The following MALRD1 variants were observed in gnomAD, a reference collection of about 807,000 sequenced individuals.
MALRD1 encodes the protein MAM and LDL receptor class A domain containing 1, also known as MAM and LDL-receptor class A domain-containing protein 1.
In MALRD1, 247 loss-of-function variants were observed where a neutral mutation model predicts 242.1. The observed-to-expected ratio is 1.02, with a 90% CI of 0.92 to 1.13. MALRD1 has a LOEUF of 1.13. MALRD1 is among the 50% of genes most tolerant of loss of function. The pLI is 0.00. For synonymous variants in MALRD1, 995 were observed against 866.6 expected (o/e 1.15, Z -2.60); for missense variants, 2,989 against 2,533.1 (o/e 1.18, Z -3.86).
intron 32 of MALRD1, among the ~76,000 whole-genome samples, chr10:19,561,674 A>G (rs1014387180): frequency 1.2e-4 from 18 of 151,588 alleles, no homozygotes; most frequent in Non-Finnish European, 8.8e-5. Context: ...TTTTAGCGAG[A>G]CTGTGCCCTG....
chr10:19,495,866 A>G (rs557782834), intron 30 of MALRD1, among the ~76,000 whole-genome samples: 40 of 152,348 alleles, frequency 2.6e-4, no homozygotes, highest in South Asian at 1.7e-3. Context: ...GCTCAAAATA[A>G]AGGGAAGGAG....
chr10:19,443,707 C>A (rs1443097506), intron 28 of MALRD1, among the ~76,000 whole-genome samples: 1 of 152,134 alleles, frequency 6.6e-6, no homozygotes. Context: ...AATTTCTGTT[C>A]TTTTACATTT....
intron 1 of MALRD1, among the ~76,000 whole-genome samples, chr10:19,057,307 C>A (rs1435163824): frequency 1.3e-5 from 2 of 152,094 alleles, no homozygotes; most frequent in African/African-American, 2.4e-5. Flanking sequence ...CATCAAGGTG[C>A]CAGCAGATTC....
intron 2 of MALRD1, among the ~76,000 whole-genome samples, chr10:19,076,650 T>G (rs768245525): frequency 5.9e-5 from 9 of 152,018 alleles, no homozygotes; most frequent in Non-Finnish European, 1.3e-4. Context: ...CTGCCTGTGC[T>G]TATGACAGTA....
chr10:19,635,681 A>ATTT (rs35518702), intron 36 of MALRD1, among the ~76,000 whole-genome samples: 1 of 152,158 alleles, frequency 6.6e-6, no homozygotes, highest in African/African-American at 2.4e-5. Context: ...TAGCTAAAAT[A>ATTT]TTTTTTAAAC....
chr10:19,070,428 A>T (rs574940117), intron 2 of MALRD1, among the ~76,000 whole-genome samples: 2 of 152,264 alleles, frequency 1.3e-5, no homozygotes, highest in Non-Finnish European at 2.9e-5. Flanking sequence ...CCCTCTAAAG[A>T]TATATCACTT....
At chr10:19,543,680 T>A (rs954381948) in intron 32 of MALRD1, among the ~76,000 whole-genome samples, 2 of 152,078 alleles carry the variant, frequency 1.3e-5, no homozygotes, top group African/African-American at 2.4e-5. Flanking sequence ...TAACCCAAAC[T>A]CTGTAGCTTA....
chr10:19,515,079 G>GGC, intron 31 of MALRD1, among the ~76,000 whole-genome samples: 1 of 132,046 alleles, frequency 7.6e-6, no homozygotes, highest in South Asian at 2.3e-4. Flanking sequence ...TATGCTTTAG[G>GGC]ACAAAAAAAA....
At chr10:19,680,689 C>A (rs1272560272) in intron 36 of MALRD1, among the ~76,000 whole-genome samples, 2 of 152,066 alleles carry the variant, frequency 1.3e-5, no homozygotes, top group East Asian at 3.9e-4. Context: ...ATGATGCTAG[C>A]TGGTTCTTTT....
chr10:19,496,347 A>G (rs985904494), intron 30 of MALRD1, among the ~76,000 whole-genome samples: 1 of 152,194 alleles, frequency 6.6e-6, no homozygotes, highest in African/African-American at 2.4e-5. Context: ...TTCCAAAAAA[A>G]CAAAATTATA....
At chr10:19,414,830 A>T (rs1397074018) in intron 28 of MALRD1, among the ~76,000 whole-genome samples, 1 of 152,154 alleles carries the variant, frequency 6.6e-6, no homozygotes, top group Admixed American at 6.6e-5. Flanking sequence ...TGCAAAATTT[A>T]TAAATGGCAT....
At position 19,088,026 on chromosome 10, in the gene MALRD1, T is replaced by C. The variant is rs777691918; in HGVS notation, c.438T>C (p.Ile146=). The C allele has an allele frequency of 4.9e-6, 6 of 1,233,488 alleles. No homozygotes were observed. The highest frequency in any genetic ancestry group is 6.1e-6 in the Non-Finnish European group (6 of 987,848). The allele number at this position is 1,233,488 out of a possible 1,614,324, so 76.4% of individuals were successfully genotyped here. The change falls in exon 4 of 40, where the codon ATT becomes ATC. Residue 146 remains isoleucine (I), a splice_region_variant and synonymous_variant. Coordinates refer to ENST00000454679, the MANE Select transcript of MALRD1 (RefSeq NM_001142308.3). The stretch of plus-strand genomic sequence containing the variant: ...TGGGTACTAATTGTCTTTCACAGAT[T>C]ACATTTTATTACTTCTCCTGCCAAG... ...LPTNDQHDCQ[I]TFYYFSCQVS...
At chr10:19,542,588 G>T (rs1256336107) in intron 32 of MALRD1, among the ~76,000 whole-genome samples, 1 of 151,310 alleles carries the variant, frequency 6.6e-6, no homozygotes, top group Non-Finnish European at 1.5e-5. Context: ...ATAATTCTTT[G>T]TCCTCTCCTG....
chr10:19,449,830 C>T (rs1011845963), intron 28 of MALRD1, among the ~76,000 whole-genome samples: 1 of 152,042 alleles, frequency 6.6e-6, no homozygotes. Flanking sequence ...TACCCCTGAA[C>T]CTAAAATAAA....
intron 29 of MALRD1, chr10:19,489,296 G>C (rs559282092): frequency 1.4e-5 from 7 of 502,786 alleles, no homozygotes; most frequent in African/African-American, 3.9e-5. Context: ...GGCCTAAGTG[G>C]CTAACCACGA....
chr10:19,695,686 A>T (rs1833348585), intron 38 of MALRD1, among the ~76,000 whole-genome samples: 2 of 151,688 alleles, frequency 1.3e-5, no homozygotes, highest in Admixed American at 1.3e-4. Context: ...TGCCCGGCTA[A>T]TTTTTTATTT....
chr10:19,287,971 C>G (rs1042726402), intron 21 of MALRD1, among the ~76,000 whole-genome samples: 1 of 151,954 alleles, frequency 6.6e-6, no homozygotes, highest in Non-Finnish European at 1.5e-5. Flanking sequence ...TTGGTACTGA[C>G]TCAGATGAAT....
intron 26 of MALRD1, among the ~76,000 whole-genome samples, chr10:19,371,830 A>C (rs1456237050): frequency 6.6e-6 from 1 of 152,220 alleles, no homozygotes; most frequent in East Asian, 1.9e-4. Flanking sequence ...GCTTCATAGC[A>C]CTAGGGATAA....
chr10:19,401,956 C>G (rs1229810755), intron 28 of MALRD1, among the ~76,000 whole-genome samples: 13 of 152,130 alleles, frequency 8.5e-5, no homozygotes, highest in Admixed American at 8.5e-4. Context: ...TTACATAAAC[C>G]CAACAAGAAT....
Sources: allele counts gnomAD v4.1 joint callset (sites outside exome capture counted in the v4.1 genomes callset), GRCh38; gene constraint gnomAD v4.1.1; transcripts MANE v1.5; gene names NCBI Gene and HGNC (gene_info 2026-07-23, HGNC 2026-07-21).